MAST4: variants seen among roughly 807,000 people sequenced by gnomAD.
MAST4 encodes the protein microtubule associated serine/threonine kinase family member 4, also known as microtubule-associated serine/threonine-protein kinase 4.
In MAST4, 89 loss-of-function variants were observed where a neutral mutation model predicts 162.7. That is an observed-to-expected ratio of 0.55 (90% CI 0.46 to 0.65). The LOEUF is 0.65. Among genes scored for constraint, MAST4 ranks in the 30% least tolerant of loss-of-function variants. The pLI, the probability that MAST4 is intolerant of heterozygous loss-of-function variation, is 0.00. For missense variants in MAST4, 3,153 were observed against 3,374.0 expected (o/e 0.93, Z 1.62); for synonymous variants, 1,479 against 1,361.1 (o/e 1.09, Z -1.91).
At chr5:66,828,848 A>G in intron 3 of MAST4, 2 of 1,607,058 alleles carry the variant, frequency 1.2e-6, no homozygotes, top group South Asian at 2.2e-5. Flanking sequence ...GGTGAGATGG[A>G]TGAGTCCAGC....
chr5:67,134,761 A>G lies in MAST4; in HGVS notation c.2392+73A>G. On this transcript the variant is annotated intron_variant, in intron 18 of 28. Transcript: ENST00000403625. Reference sequence around the variant, plus strand: ...ATTTAATGTAAATCTGTTGAGTGTCACAGTTTTTACTACTAAAATGTTAAC... The same window carrying G: ...ATTTAATGTAAATCTGTTGAGTGTCGCAGTTTTTACTACTAAAATGTTAAC... 4 of 1,218,008 alleles carry G rather than the reference A, an allele frequency of 3.3e-6. No homozygotes were observed. In the African/African-American group the frequency reaches 4.5e-5, roughly 14 times the overall value. The allele number at this position is 1,218,008 out of a possible 1,614,324, so 75.5% of individuals were successfully genotyped here.
At chr5:66,799,263 G>T (rs990447407) in intron 3 of MAST4, among the ~76,000 whole-genome samples, 1 of 152,140 alleles carries the variant, frequency 6.6e-6, no homozygotes, top group African/African-American at 2.4e-5. Context: ...GTACTTTAGT[G>T]TACACACTGC....
intron 2 of MAST4, among the ~76,000 whole-genome samples, chr5:66,783,922 T>C (rs1042786393): frequency 6.6e-5 from 10 of 152,148 alleles, no homozygotes; most frequent in Admixed American, 5.2e-4. Context: ...CAACTTCTTA[T>C]TGAACCATGC....
intron 3 of MAST4, among the ~76,000 whole-genome samples, chr5:66,858,950 T>G (rs1561388491): frequency 6.6e-6 from 1 of 152,112 alleles, no homozygotes; most frequent in Non-Finnish European, 1.5e-5. Context: ...TTCAGTGTTT[T>G]CTAGTTGGTT....
intron 4 of MAST4, among the ~76,000 whole-genome samples, chr5:66,927,572 G>A (rs949910334): frequency 1.3e-5 from 2 of 152,188 alleles, no homozygotes; most frequent in African/African-American, 4.8e-5. Flanking sequence ...GGAGCCCCAT[G>A]TGTGTAAATG....
intron 4 of MAST4, among the ~76,000 whole-genome samples, chr5:66,942,630 T>C (rs903668466): frequency 6.6e-6 from 1 of 152,134 alleles, no homozygotes; most frequent in African/African-American, 2.4e-5. Flanking sequence ...CCCTTCCAGA[T>C]CTAAAGCTGT....
chr5:66,599,237 G>T (rs1025174843), intron 1 of MAST4, among the ~76,000 whole-genome samples: 1 of 152,174 alleles, frequency 6.6e-6, no homozygotes, highest in Admixed American at 6.5e-5. Context: ...ACTGGTGATG[G>T]TATGGGGCAG....
chr5:67,135,223 G>A (rs568854189), intron 18 of MAST4, among the ~76,000 whole-genome samples: 6 of 152,280 alleles, frequency 3.9e-5, no homozygotes, highest in Admixed American at 6.5e-5. Context: ...TTGTTATGGC[G>A]TAATGTTATT....
At chr5:67,040,444 C>T (rs1448664906) in intron 4 of MAST4, among the ~76,000 whole-genome samples, 1 of 152,094 alleles carries the variant, frequency 6.6e-6, no homozygotes, top group Non-Finnish European at 1.5e-5. Context: ...GAGGAAGGAG[C>T]GTCTATATCG....
At chr5:66,908,201 G>A (rs1763513437) in intron 4 of MAST4, among the ~76,000 whole-genome samples, 1 of 152,200 alleles carries the variant, frequency 6.6e-6, no homozygotes, top group African/African-American at 2.4e-5. Flanking sequence ...TATTTGGCAC[G>A]TATTTGCAGC....
chr5:66,885,780 T>C (rs1458775511), intron 3 of MAST4, among the ~76,000 whole-genome samples: 1 of 152,192 alleles, frequency 6.6e-6, no homozygotes, highest in African/African-American at 2.4e-5. Context: ...ATCTGTCCTT[T>C]GGTGCGCTGA....
chr5:66,938,705 C>G (rs1743026317), intron 4 of MAST4, among the ~76,000 whole-genome samples: 1 of 152,076 alleles, frequency 6.6e-6, no homozygotes, highest in African/African-American at 2.4e-5. Context: ...AGAGTAACAC[C>G]CTCTTGTAGA....
intron 3 of MAST4, among the ~76,000 whole-genome samples, chr5:66,863,447 C>G (rs1760257655): frequency 6.6e-6 from 1 of 152,186 alleles, no homozygotes; most frequent in African/African-American, 2.4e-5. Flanking sequence ...TGTGCAGGTG[C>G]CTTCCGGCTT....
At chr5:66,848,752 C>G (rs1157186365) in intron 3 of MAST4, among the ~76,000 whole-genome samples, 1 of 152,122 alleles carries the variant, frequency 6.6e-6, no homozygotes, top group Non-Finnish European at 1.5e-5. Flanking sequence ...TTTTCTTCCT[C>G]TTCTCTCCAG....
intron 5 of MAST4, among the ~76,000 whole-genome samples, chr5:67,058,798 A>ACAATT (rs1759188400): frequency 6.6e-6 from 1 of 152,246 alleles, no homozygotes; most frequent in Non-Finnish European, 1.5e-5. Context: ...AGCGAATAAG[A>ACAATT]AAGTAGGGAA....
At chr5:66,810,024 A>G (rs1031773599) in intron 3 of MAST4, among the ~76,000 whole-genome samples, 2 of 152,204 alleles carry the variant, frequency 1.3e-5, no homozygotes, top group Non-Finnish European at 2.9e-5. Context: ...GTGGCAGAGT[A>G]TGTCATTGCA....
At chr5:66,629,353 T>A (rs139604257) in intron 1 of MAST4, among the ~76,000 whole-genome samples, 10 of 152,326 alleles carry the variant, frequency 6.6e-5, no homozygotes, top group African/African-American at 1.4e-4. Flanking sequence ...GATCTACATT[T>A]AATACCTGTG....
chr5:67,079,380 T>C (rs1762342728), intron 5 of MAST4, among the ~76,000 whole-genome samples: 1 of 152,142 alleles, frequency 6.6e-6, no homozygotes, highest in South Asian at 2.1e-4. Context: ...TTATATTTGA[T>C]GTAGTATTTT....
intron 1 of MAST4, among the ~76,000 whole-genome samples, chr5:66,715,513 A>C (rs1312095992): frequency 1.8e-4 from 16 of 91,108 alleles, no homozygotes; most frequent in Admixed American, 1.7e-3. Context: ...TGGACCGGGG[A>C]CTGTTGTGGG....
Sources: allele counts gnomAD v4.1 joint callset (sites outside exome capture counted in the v4.1 genomes callset), GRCh38; gene constraint gnomAD v4.1.1; transcripts MANE v1.5; gene names NCBI Gene and HGNC (gene_info 2026-07-23, HGNC 2026-07-21).